Variants in KCND2 observed in about 807,000 individuals in gnomAD.
The protein encoded by KCND2 is potassium voltage-gated channel subfamily D member 2, also known as A-type voltage-gated potassium channel KCND2.
A neutral mutation model predicts 54.4 loss-of-function variants in KCND2; 16 were observed. The observed-to-expected ratio is 0.29, with a 90% confidence interval of 0.20 to 0.45. The LOEUF is 0.45. Among genes scored for constraint, KCND2 ranks in the 20% least tolerant of loss-of-function variants. KCND2 has a pLI of 1.00. For synonymous variants in KCND2, 317 were observed against 310.7 expected, an observed-to-expected ratio of 1.02 and a Z score of -0.21; for missense variants, 486 against 824.2, an observed-to-expected ratio of 0.59 and a Z score of 5.02.
intron 1 of KCND2, among the ~76,000 whole-genome samples, chr7:120,667,555 G>A (rs114632560): frequency 0.013 from 1,933 of 152,058 alleles, 28 homozygotes; most frequent in Non-Finnish European, 0.018. Flanking sequence ...TAAGAATCTA[G>A]GAAGCACCAG....
At chr7:120,740,711 A>C in intron 2 of KCND2, 1 of 321,598 alleles carries the variant, frequency 3.1e-6, no homozygotes, top group Non-Finnish European at 6.3e-6. Flanking sequence ...AACCCTCTAC[A>C]TTGAAGGATA....
At chr7:120,745,020 G>A (rs1225118498) in intron 4 of KCND2, among the ~76,000 whole-genome samples, 3 of 151,974 alleles carry the variant, frequency 2.0e-5, no homozygotes, top group East Asian at 3.9e-4. Flanking sequence ...ATTTGCTACT[G>A]GGCTGGAAGT....
intron 1 of KCND2, among the ~76,000 whole-genome samples, chr7:120,324,998 C>T (rs1799953531): frequency 7.9e-6 from 1 of 127,300 alleles, no homozygotes; most frequent in Admixed American, 8.4e-5. Context: ...TGTAGTTCTC[C>T]TTGAAGAGGT....
chr7:120,736,481 G>A (rs1169575675), intron 2 of KCND2, among the ~76,000 whole-genome samples: 1 of 151,916 alleles, frequency 6.6e-6, no homozygotes, highest in Non-Finnish European at 1.5e-5. Flanking sequence ...GAATGTATTA[G>A]CCAAAATAAA....
chr7:120,562,586 A>G (rs1273579766), intron 1 of KCND2, among the ~76,000 whole-genome samples: 4 of 152,314 alleles, frequency 2.6e-5, no homozygotes, highest in Non-Finnish European at 1.5e-5. Context: ...GAATAATCAC[A>G]TCTTCATGTT....
intron 1 of KCND2, among the ~76,000 whole-genome samples, chr7:120,626,735 TG>T (rs776194643): frequency 6.6e-5 from 10 of 152,222 alleles, no homozygotes; most frequent in Non-Finnish European, 1.2e-4. Context: ...GGCAAAGTAT[TG>T]CCTTTCTCTT....
intron 1 of KCND2, among the ~76,000 whole-genome samples, chr7:120,517,985 T>C (rs1487518727): frequency 6.6e-6 from 1 of 152,146 alleles, no homozygotes; most frequent in Non-Finnish European, 1.5e-5. Context: ...GCCACAGTAC[T>C]TTCAGATATT....
intron 1 of KCND2, among the ~76,000 whole-genome samples, chr7:120,531,290 T>A (rs1039918301): frequency 3.3e-5 from 5 of 152,108 alleles, no homozygotes; most frequent in Non-Finnish European, 7.4e-5. Flanking sequence ...CAATTATAAG[T>A]TTATAATTCT....
intron 1 of KCND2, among the ~76,000 whole-genome samples, chr7:120,646,219 A>C (rs1299520963): frequency 2.0e-5 from 3 of 152,216 alleles, no homozygotes; most frequent in Non-Finnish European, 4.4e-5. Flanking sequence ...CTGAATGAGC[A>C]ATGAAGAGAA....
At chr7:120,436,639 G>C (rs1012644055) in intron 1 of KCND2, among the ~76,000 whole-genome samples, 1 of 152,132 alleles carries the variant, frequency 6.6e-6, no homozygotes, top group Non-Finnish European at 1.5e-5. Context: ...AATGCCAGGT[G>C]GGGGGCCATC....
intron 1 of KCND2, among the ~76,000 whole-genome samples, chr7:120,448,492 G>A (rs952310709): frequency 2.0e-5 from 3 of 152,166 alleles, no homozygotes; most frequent in African/African-American, 4.8e-5. Flanking sequence ...ATAAACATAC[G>A]TGTGCATGTG....
At chr7:120,421,220 A>G (rs1801616911) in intron 1 of KCND2, among the ~76,000 whole-genome samples, 1 of 152,196 alleles carries the variant, frequency 6.6e-6, no homozygotes, top group Non-Finnish European at 1.5e-5. Flanking sequence ...AACAGCAACA[A>G]TGTCAGCTGT....
chr7:120,497,877 G>T (rs532592438), intron 1 of KCND2, among the ~76,000 whole-genome samples: 1 of 152,136 alleles, frequency 6.6e-6, no homozygotes, highest in East Asian at 1.9e-4. Flanking sequence ...CAAAACTCAG[G>T]TGTTTTACTT....
intron 1 of KCND2, among the ~76,000 whole-genome samples, chr7:120,483,095 A>T (rs1802630463): frequency 6.6e-6 from 1 of 152,164 alleles, no homozygotes; most frequent in Non-Finnish European, 1.5e-5. Context: ...ATAGGTTCTT[A>T]ATCAATGTCC....
At chr7:120,542,617 T>C (rs952977030) in intron 1 of KCND2, among the ~76,000 whole-genome samples, 1 of 152,116 alleles carries the variant, frequency 6.6e-6, no homozygotes, top group Admixed American at 6.6e-5. Flanking sequence ...CTGATTCCCT[T>C]TTATTATGAG....
intron 1 of KCND2, among the ~76,000 whole-genome samples, chr7:120,351,362 G>T: frequency 1.2e-5 from 1 of 84,612 alleles, no homozygotes; most frequent in East Asian, 4.0e-4. Context: ...AAATCGAAGA[G>T]CATACACACA....
chr7:120,492,727 C>T (rs1802801699), intron 1 of KCND2, among the ~76,000 whole-genome samples: 1 of 152,064 alleles, frequency 6.6e-6, no homozygotes, highest in Non-Finnish European at 1.5e-5. Flanking sequence ...CCTTAACAAG[C>T]ATTTAATACA....
At chr7:120,330,501 A>T (rs1398436785) in intron 1 of KCND2, among the ~76,000 whole-genome samples, 3 of 141,202 alleles carry the variant, frequency 2.1e-5, no homozygotes, top group Non-Finnish European at 4.5e-5. Flanking sequence ...GAATCGCTTG[A>T]ACCTGGGAGG....
chr7:120,325,591 G>A (rs1379239635), intron 1 of KCND2, among the ~76,000 whole-genome samples: 1 of 151,336 alleles, frequency 6.6e-6, no homozygotes. Context: ...CTGTTTATAT[G>A]CTGGATTACA....
Sources: allele counts gnomAD v4.1 joint callset (sites outside exome capture counted in the v4.1 genomes callset), GRCh38; gene constraint gnomAD v4.1.1; transcripts MANE v1.5; gene names NCBI Gene and HGNC (gene_info 2026-07-23, HGNC 2026-07-21).